RCAN1: variants seen among roughly 807,000 people sequenced by gnomAD.
The protein encoded by RCAN1 is calcipressin-1.
Under a neutral mutation model 22.9 loss-of-function variants are expected in RCAN1, and 11 were observed. That is an observed-to-expected ratio of 0.48 (90% CI 0.30 to 0.79). The LOEUF (loss-of-function observed/expected upper bound fraction) is 0.79. RCAN1 is among the 30% of genes least tolerant of loss of function. RCAN1 has a pLI of 0.06. For missense variants in RCAN1, 291 were observed against 337.8 expected, an observed-to-expected ratio of 0.86 and a Z score of 1.09; for synonymous variants, 136 against 142.3, an observed-to-expected ratio of 0.96 and a Z score of 0.32.
At chr21:34,521,221 T>C (rs1984498485) in intron 3 of RCAN1, 6 of 1,417,846 alleles carry the variant, frequency 4.2e-6, no homozygotes, top group Admixed American at 5.9e-5. Context: ...CTGTGCTCAG[T>C]GGACACAGGA....
chr21:34,577,905 A>G (rs1987465395), intron 1 of RCAN1, among the ~76,000 whole-genome samples: 1 of 152,134 alleles, frequency 6.6e-6, no homozygotes. Flanking sequence ...AGGACAAAAG[A>G]GGGGCAGCAA....
At chr21:34,521,787 G>A in intron 2 of RCAN1, 129 bp from the exon 3 acceptor site, 2 of 739,228 alleles carry the variant, frequency 2.7e-6, no homozygotes, top group South Asian at 1.9e-5. Flanking sequence ...GTGATTCCAG[G>A]ACCAATTGTA....
At chr21:34,604,292 G>A (rs1305589286) in intron 1 of RCAN1, among the ~76,000 whole-genome samples, 3 of 152,040 alleles carry the variant, frequency 2.0e-5, no homozygotes, top group Non-Finnish European at 4.4e-5. Flanking sequence ...CACTACGCCC[G>A]GCTAATTTTT....
chr21:34,613,761 A>G, intron 1 of RCAN1: 1 of 1,484,780 alleles, frequency 6.7e-7, no homozygotes. Context: ...AAGTGAACAT[A>G]TAAATTATAA....
At chr21:34,611,001 C>T (rs990221314) in intron 1 of RCAN1, among the ~76,000 whole-genome samples, 1 of 151,818 alleles carries the variant, frequency 6.6e-6, no homozygotes, top group Non-Finnish European at 1.5e-5. Flanking sequence ...ATCAAATATA[C>T]ATTCATATTT....
chr21:34,544,772 T>C (rs1201038885), intron 1 of RCAN1, among the ~76,000 whole-genome samples: 1 of 152,132 alleles, frequency 6.6e-6, no homozygotes. Flanking sequence ...AGCCCTGCTG[T>C]CAGGAAGCAC....
chr21:34,519,240 C>T (rs75323187), intron 3 of RCAN1, among the ~76,000 whole-genome samples: 1,987 of 152,250 alleles, frequency 0.013, 23 homozygotes, highest in South Asian at 0.029. Flanking sequence ...GAGACTGCAT[C>T]GTTATTGGTG....
intron 1 of RCAN1, among the ~76,000 whole-genome samples, chr21:34,541,651 C>T (rs571476692): frequency 7.9e-4 from 120 of 152,278 alleles, no homozygotes; most frequent in African/African-American, 2.6e-3. Flanking sequence ...ATGCTATTCA[C>T]GGGGCGGGAG....
chr21:34,563,770 A>AAT (rs1199194939), intron 1 of RCAN1, among the ~76,000 whole-genome samples: 43 of 65,430 alleles, frequency 6.6e-4, no homozygotes, highest in East Asian at 3.4e-3. Context: ...AAAAAAAAAA[A>AAT]ATATATATAT....
Position 34,615,019 on chromosome 21 carries a change from C to A in RCAN1, c.-8G>T. On this transcript the variant is annotated 5_prime_UTR_variant, in exon 1 of 4. Coordinates refer to ENST00000313806, the MANE Select transcript of RCAN1 (RefSeq NM_004414.7). ...GGCCACGCCGTCCTCCATCCCCGCG[C>A]CCGCGCGACCCTGTGCGCCCCAGCG... 9.5e-7 allele frequency: 1 copy of A among 1,051,694 alleles called. No homozygotes were observed. Among genetic ancestry groups the A allele is most frequent in the Non-Finnish European group, 1.1e-6 (1 of 876,172 alleles). 65.1% of individuals were successfully genotyped at this position (1,051,694 alleles called of 1,614,324 possible). A position where few individuals can be genotyped will look rare whatever the true frequency, so the allele number is the denominator to read the frequency against.
At chr21:34,600,460 G>C (rs921424178) in intron 1 of RCAN1, among the ~76,000 whole-genome samples, 4 of 152,100 alleles carry the variant, frequency 2.6e-5, no homozygotes, top group Non-Finnish European at 5.9e-5. Flanking sequence ...CCTCTAAAAG[G>C]CATTCTAGGA....
intron 1 of RCAN1, among the ~76,000 whole-genome samples, chr21:34,610,229 A>G (rs754308647): frequency 6.6e-6 from 1 of 152,226 alleles, no homozygotes; most frequent in Non-Finnish European, 1.5e-5. Context: ...CAGCAGGGCC[A>G]CCTTAGGTCC....
At chr21:34,562,198 G>C (rs1986816759) in intron 1 of RCAN1, among the ~76,000 whole-genome samples, 1 of 152,158 alleles carries the variant, frequency 6.6e-6, no homozygotes, top group Non-Finnish European at 1.5e-5. Context: ...ATTTCTTAAG[G>C]CTACGTTTTG....
intron 1 of RCAN1, among the ~76,000 whole-genome samples, chr21:34,553,150 G>A (rs1252867237): frequency 6.6e-6 from 1 of 152,170 alleles, no homozygotes; most frequent in African/African-American, 2.4e-5. Context: ...TTTTGTAGCA[G>A]CAACTCTGCG....
chr21:34,539,758 C>T (rs1167745277), intron 1 of RCAN1, among the ~76,000 whole-genome samples: 1 of 152,202 alleles, frequency 6.6e-6, no homozygotes, highest in Admixed American at 6.5e-5. Context: ...TCTAAACCTG[C>T]TCATTTTAAC....
At position 34,530,620 on chromosome 21, in the gene RCAN1, T is replaced by TTTTTTTTTGTTTG. The variant is rs1568888982; in HGVS notation, c.253-6911_253-6910insCAAACAAAAAAAA. Among the ~76,000 whole-genome samples the TTTTTTTTTGTTTG allele has an allele frequency of 4.3e-4, 38 of 87,472 alleles. 1 individual carries two copies. In the East Asian group the frequency reaches 4.6e-3, roughly 11 times the overall value. The allele number at this position is 87,472 out of a possible 152,430, so 57.4% of individuals were successfully genotyped here. ...TGCTTCTAAGATAGTGAAATAGTTT[T>TTTTTTTTTGTTTG]TTTTTTTTTTTTTTTTTTTTTTTGA... is the stretch of plus-strand genomic sequence containing the variant. On this transcript the variant is annotated intron_variant, in intron 1 of 3. Transcript: ENST00000313806.
At chr21:34,556,451 A>AATAATAATAATAATAATG (rs1319400287) in intron 1 of RCAN1, among the ~76,000 whole-genome samples, 1 of 150,368 alleles carries the variant, frequency 6.7e-6, no homozygotes, top group Non-Finnish European at 1.5e-5. Flanking sequence ...TAATAATAAT[A>AATAATAATAATAATAATG]ATAATAATAG....
At chr21:34,582,926 G>A (rs1256743683) in intron 1 of RCAN1, among the ~76,000 whole-genome samples, 1 of 152,192 alleles carries the variant, frequency 6.6e-6, no homozygotes, top group East Asian at 1.9e-4. Flanking sequence ...GCTGTGCGGT[G>A]TGGAGATGGA....
intron 1 of RCAN1, among the ~76,000 whole-genome samples, chr21:34,557,239 T>C (rs1986616107): frequency 6.6e-6 from 1 of 152,094 alleles, no homozygotes; most frequent in South Asian, 2.1e-4. Flanking sequence ...TTAAATTAAA[T>C]TTAAAAAAGC....
Sources: gnomAD v4.1 joint callset for allele counts (sites outside exome capture counted in the v4.1 genomes callset) on GRCh38, gnomAD v4.1.1 for gene constraint, MANE v1.5 for transcripts, NCBI Gene and HGNC (gene_info 2026-07-23, HGNC 2026-07-21) for gene names.